WDR88: variants seen among roughly 807,000 people sequenced by gnomAD.
The protein encoded by WDR88 is WD repeat-containing protein 88.
WDR88 carries 40 observed loss-of-function variants against 46.8 expected under a neutral mutation model. That is an observed-to-expected ratio of 0.86 (90% CI 0.66 to 1.11). The LOEUF (loss-of-function observed/expected upper bound fraction) is 1.11, where lower values mean the gene tolerates loss of function less well. Among genes scored for constraint, WDR88 ranks in the 50% most tolerant of loss-of-function variants. The probability of loss-of-function intolerance (pLI) is 0.00; values close to 1 mark genes in which losing one functional copy is unlikely to be tolerated. For synonymous variants in WDR88, 235 were observed against 240.7 expected (o/e 0.98, Z 0.22); for missense variants, 562 against 602.4 (o/e 0.93, Z 0.70).
intron 5 of WDR88, 132 bp from the exon 6 acceptor site, chr19:33,151,049 T>C (rs971468767): frequency 6.7e-6 from 7 of 1,042,550 alleles, no homozygotes; most frequent in Non-Finnish European, 9.7e-6. Context: ...GGAATGTTTG[T>C]GCAGGTGTGT....
chr19:33,135,152 A>G (rs1017839397), intron 1 of WDR88, among the ~76,000 whole-genome samples: 2 of 151,810 alleles, frequency 1.3e-5, no homozygotes, highest in Non-Finnish European at 2.9e-5. Context: ...ATTTAACCAT[A>G]GAAGCTGTAG....
intron 2 of WDR88, chr19:33,142,851 CAAAAAAAAAAAAAAAA>C (rs74174644): frequency 1.5e-4 from 3 of 19,532 alleles, no homozygotes; most frequent in African/African-American, 6.0e-4. Context: ...ACTAAAAATA[CAAAAAAAAAAAAAAAA>C]AAAAAAAAAA....
At chr19:33,133,739 C>T (rs1293079960) in intron 1 of WDR88, among the ~76,000 whole-genome samples, 2 of 152,186 alleles carry the variant, frequency 1.3e-5, no homozygotes, top group African/African-American at 2.4e-5. Context: ...TGTTCTCCTC[C>T]CCCATCCCCC....
intron 3 of WDR88, among the ~76,000 whole-genome samples, chr19:33,146,506 C>T (rs1374394976): frequency 1.5e-5 from 2 of 129,334 alleles, no homozygotes; most frequent in East Asian, 2.3e-4. Context: ...CCCTTCCTTC[C>T]TCCCTTCCTC....
Position 33,144,921 on chromosome 19 carries a change from C to T in WDR88, c.465C>T (p.Gly155=), listed in dbSNP as rs765339811. The change falls in exon 3 of 11, where the codon GGC becomes GGT. Residue 155 remains glycine (G), a synonymous_variant. Coordinates refer to ENST00000355868, the MANE Select transcript of WDR88 (RefSeq NM_173479.4). ...KAPVVECSIT[G]DSSRVIAASY... is the part of the protein sequence containing the mutation. ...CTGTTGTAGAGTGCAGCATCACCGG[C>T]GACAGCAGCAGGTGACCTTTCCCTC... 8.1e-6 allele frequency: 13 copies of T among 1,613,146 alleles called. No individual in the cohort carries two copies. The East Asian group carries it at 1.6e-4, about 19-fold the overall frequency.
intron 9 of WDR88, among the ~76,000 whole-genome samples, chr19:33,171,045 G>C (rs1974030940): frequency 6.6e-6 from 1 of 152,086 alleles, no homozygotes; most frequent in Non-Finnish European, 1.5e-5. Flanking sequence ...GAGTGCAATG[G>C]TGCGATCTCG....
At position 33,164,199 on chromosome 19, in the gene WDR88, C is replaced by T. The variant is rs1246606726; in HGVS notation, c.1083C>T (p.Gly361=). 1.2e-6 allele frequency: 2 copies of T among 1,612,960 alleles called. No individual in the cohort carries two copies. The highest frequency in any genetic ancestry group is 1.7e-6 in the Non-Finnish European group (2 of 1,178,970). Residue 361 remains glycine, a splice_region_variant and synonymous_variant, in exon 9 of 11, where the codon GGC becomes GGT. Transcript: ENST00000355868. The stretch of plus-strand genomic sequence containing the variant: ...ATTAAAATTTGATATTTCTTCAGGG[C>T]CATAATGACTGGGTGATGGATGTTG... ...AEGYRKLSLK[G]HNDWVMDVAI...
rs1166155145 is a variant in WDR88, at chr19:33,148,871, A to T, written c.640A>T (p.Met214Leu). The T allele has an allele frequency of 6.2e-7, 1 of 1,614,096 alleles. No homozygotes were observed. Among genetic ancestry groups the T allele is most frequent in the South Asian group, 1.1e-5 (1 of 91,082 alleles). ...CGACGTGGATCATGGAATCTGCATA[A>T]TGGACGCCGAGAACATCACCACCGT... ...GFDVDHGICIMDAENITTVSV... is the reference protein window; with the variant it reads ...GFDVDHGICILDAENITTVSV... Residue 214 changes from methionine to leucine, a missense_variant, in exon 5 of 11, where the codon ATG becomes TTG. Met to Leu is a conservative substitution (Grantham distance 15, BLOSUM62 2). Coordinates refer to ENST00000355868, the MANE Select transcript of WDR88 (RefSeq NM_173479.4).
intron 6 of WDR88, among the ~76,000 whole-genome samples, chr19:33,151,577 C>A (rs1208976171): frequency 6.6e-6 from 1 of 152,144 alleles, no homozygotes; most frequent in African/African-American, 2.4e-5. Context: ...GTTCCAGCAT[C>A]TCCTGTAAAA....
chr19:33,164,616 C>T (rs1488093207), intron 9 of WDR88, among the ~76,000 whole-genome samples: 1 of 152,134 alleles, frequency 6.6e-6, no homozygotes, highest in Non-Finnish European at 1.5e-5. Flanking sequence ...GTCTCCCTTT[C>T]CTGCAGCACT....
rs561464053 is a variant in WDR88, at chr19:33,160,490, T to C, written c.1074T>C (p.Ser358=). The change falls in exon 8 of 11, where the codon TCT becomes TCC. Residue 358 remains serine, a synonymous_variant. Coordinates refer to ENST00000355868, the MANE Select transcript of WDR88 (RefSeq NM_173479.4). ...TAGCAGAAGGCTACCGGAAGCTCTC[T>C]TTGAAGGTACATGTGGCCAGCATGA... The part of the protein sequence containing the change: ...WDVAEGYRKL[S]LKGHNDWVMD... The C allele has an allele frequency of 4.3e-6, 7 of 1,614,204 alleles. No homozygotes were observed. In the South Asian group the frequency reaches 6.6e-5, roughly 15 times the overall value.
intron 6 of WDR88, among the ~76,000 whole-genome samples, 180 bp downstream of exon 6, chr19:33,151,490 G>C (rs192214890): frequency 2.6e-5 from 4 of 152,196 alleles, no homozygotes; most frequent in Admixed American, 2.6e-4. Context: ...TGTGGGCTGG[G>C]CTGGGCCTCA....
rs1181781858 is a variant in WDR88, at chr19:33,132,435, C to T, written c.266C>T (p.Pro89Leu). The change falls in exon 1 of 11, where the codon CCT (proline) becomes CTT (leucine). Residue 89 changes from proline to leucine, a missense_variant. Pro to Leu is a moderately conservative substitution (Grantham distance 98). Transcript: ENST00000355868. ...PEKLIWGDQD[P>L]LSKIPFKILS... Reference sequence around the variant, plus strand: ...AAATTGATCTGGGGCGACCAGGACCCTCTCTCCAAGGTCAGAACCGCCGCT... The same window carrying T: ...AAATTGATCTGGGGCGACCAGGACCTTCTCTCCAAGGTCAGAACCGCCGCT... The T allele has an allele frequency of 6.2e-7, 1 of 1,613,856 alleles. No individual in the cohort carries two copies. Among genetic ancestry groups the T allele is most frequent in the Non-Finnish European group, 8.5e-7 (1 of 1,179,938 alleles).
intron 2 of WDR88, among the ~76,000 whole-genome samples, chr19:33,140,757 T>G (rs1283787268): frequency 6.6e-6 from 1 of 151,220 alleles, no homozygotes; most frequent in East Asian, 2.0e-4. Flanking sequence ...ACCACTGCAC[T>G]CCAGCCTGGG....
At chr19:33,151,946 T>C (rs1314831917) in intron 6 of WDR88, among the ~76,000 whole-genome samples, 3 of 151,452 alleles carry the variant, frequency 2.0e-5, no homozygotes, top group African/African-American at 7.3e-5. Context: ...TAAAAAAATT[T>C]TGGGGCTGGG....
rs775316893 is a variant in WDR88 at position 33,156,484 on chromosome 19, T to A, written c.939T>A (p.Cys313Ter). Residue 313 changes from cysteine to a stop codon, truncating the protein, a stop_gained, in exon 7 of 11, where the codon TGT becomes TGA. Coordinates refer to ENST00000355868, the MANE Select transcript of WDR88 (RefSeq NM_173479.4). LOFTEE classifies it high-confidence loss of function. ...HTGEFRNCGA[C>*]VTLMQGHEGS... ...GGGAGTTTCGAAACTGTGGAGCCTG[T>A]GTGACTCTGATGCAGGGCCATGAAG... 6.2e-7 allele frequency: 1 copy of A among 1,614,170 alleles called. No individual in the cohort carries two copies. The highest frequency in any genetic ancestry group is 1.1e-5 in the South Asian group (1 of 91,084).
At chr19:33,155,604 G>C (rs73571937) in intron 6 of WDR88, among the ~76,000 whole-genome samples, 21,116 of 152,062 alleles carry the variant, frequency 0.14, 3,346 homozygotes, top group African/African-American at 0.39. Flanking sequence ...GACCACGCCT[G>C]ACATTGTTGG....
intron 3 of WDR88, 25 bp from the exon 4 acceptor site, chr19:33,147,620 T>C (rs1453515158): frequency 1.2e-6 from 2 of 1,611,586 alleles, no homozygotes; most frequent in South Asian, 2.2e-5. Context: ...AGAACCAGTG[T>C]TCGTCATCGT....
At chr19:33,135,006 C>T (rs1295271390) in intron 1 of WDR88, among the ~76,000 whole-genome samples, 2 of 148,226 alleles carry the variant, frequency 1.3e-5, no homozygotes, top group Non-Finnish European at 3.0e-5. Flanking sequence ...CCCCACACTT[C>T]CGCAGCTCAA....
Sources: gnomAD v4.1 joint callset for allele counts (sites outside exome capture counted in the v4.1 genomes callset) on GRCh38, gnomAD v4.1.1 for gene constraint, MANE v1.5 for transcripts, NCBI Gene and HGNC (gene_info 2026-07-23, HGNC 2026-07-21) for gene names.